Variants in XKR9 observed in about 807,000 individuals in gnomAD.
The protein encoded by XKR9 is XK-related protein 9.
Under a neutral mutation model 32.0 loss-of-function variants are expected in XKR9, and 32 were observed. That is an observed-to-expected ratio of 1.00 (90% CI 0.76 to 1.34). The LOEUF is 1.34. XKR9 is among the 40% of genes most tolerant of loss of function. The pLI, the probability that XKR9 is intolerant of heterozygous loss-of-function variation, is 0.00. For missense variants in XKR9, 546 were observed against 429.7 expected (o/e 1.27, Z -2.39); for synonymous variants, 168 against 143.4 (o/e 1.17, Z -1.22).
At chr8:70,909,285 T>A in the XKR9 span, among the ~76,000 whole-genome samples, 1 of 152,184 alleles carries the variant, frequency 6.6e-6, no homozygotes, top group East Asian at 1.9e-4. Context: ...TATTTATAGT[T>A]CATACCATGC....
intron 2 of XKR9, among the ~76,000 whole-genome samples, chr8:70,768,611 G>C (rs1384853868): frequency 6.6e-6 from 1 of 152,098 alleles, no homozygotes; most frequent in South Asian, 2.1e-4. Context: ...GGGTATTCCT[G>C]TATTGGGCAA....
Position 70,779,670 on chromosome 8 carries a change from G to A in XKR9, n.353-9669G>A, listed in dbSNP as rs557075517. On this transcript the variant is annotated intron_variant and non_coding_transcript_variant, in intron 2 of 3. Coordinates refer to the XKR9 transcript ENST00000520273. ...CTATTCAGAGATTTGACTTCTTCCT[G>A]GCTTAGTCTTGGGAGGGTGTGTGTG... Among the ~76,000 whole-genome samples the A allele has an allele frequency of 5.9e-5, 9 of 152,152 alleles. No homozygotes were observed. The Middle Eastern group carries it at 0.01, about 173-fold the overall frequency.
chr8:70,828,353 C>T, the XKR9 span, among the ~76,000 whole-genome samples: 5 of 152,018 alleles, frequency 3.3e-5, no homozygotes, highest in Non-Finnish European at 5.9e-5. Flanking sequence ...ATGATTTAAC[C>T]GTGGGCATGG....
At chr8:70,670,015 A>G (rs2132088645) in intron 1 of XKR9, among the ~76,000 whole-genome samples, 1 of 152,316 alleles carries the variant, frequency 6.6e-6, no homozygotes, top group South Asian at 2.1e-4. Flanking sequence ...TTTACTTAGT[A>G]CTTCCTACTA....
At chr8:70,750,720 C>G (rs748109949) in intron 2 of XKR9, among the ~76,000 whole-genome samples, 15 of 152,226 alleles carry the variant, frequency 9.9e-5, no homozygotes, top group Middle Eastern at 6.8e-3. Flanking sequence ...AACCATTAAA[C>G]TTTTCTAATC....
At chr8:70,908,114 A>G in the XKR9 span, among the ~76,000 whole-genome samples, 1 of 152,208 alleles carries the variant, frequency 6.6e-6, no homozygotes, top group Admixed American at 6.5e-5. Context: ...TTCCAGTGAC[A>G]TTGAAATGAA....
the XKR9 span, among the ~76,000 whole-genome samples, chr8:71,024,389 C>A: frequency 6.6e-6 from 1 of 152,070 alleles, no homozygotes; most frequent in Non-Finnish European, 1.5e-5. Flanking sequence ...CTGGGTCTAA[C>A]CTATATCATA....
At chr8:70,708,479 T>C (rs1805798381) in intron 4 of XKR9, among the ~76,000 whole-genome samples, 1 of 152,078 alleles carries the variant, frequency 6.6e-6, no homozygotes, top group South Asian at 2.1e-4. Flanking sequence ...AAATAAATTA[T>C]TGTAGGTTGT....
chr8:70,775,211 G>A (rs976277406), intron 2 of XKR9, among the ~76,000 whole-genome samples: 2 of 151,992 alleles, frequency 1.3e-5, no homozygotes, highest in Non-Finnish European at 1.5e-5. Flanking sequence ...CTTAATTCTA[G>A]TCACTTTTTG....
At chr8:70,772,257 C>T (rs183015374) in intron 2 of XKR9, among the ~76,000 whole-genome samples, 51 of 152,272 alleles carry the variant, frequency 3.3e-4, no homozygotes, top group African/African-American at 1.1e-3. Flanking sequence ...ATGTTTAACA[C>T]ATGTTTGCCG....
intron 4 of XKR9, among the ~76,000 whole-genome samples, chr8:70,710,313 C>A (rs977811706): frequency 7.9e-5 from 12 of 152,132 alleles, no homozygotes; most frequent in Admixed American, 7.2e-4. Context: ...AAGACTTAAA[C>A]ATAAAATGAA....
At chr8:70,884,695 T>C in the XKR9 span, among the ~76,000 whole-genome samples, 3 of 152,190 alleles carry the variant, frequency 2.0e-5, no homozygotes, top group Non-Finnish European at 4.4e-5. Flanking sequence ...CAGTTGGCTA[T>C]ATTTGTGTGG....
chr8:70,957,783 CTTTTTTTTTTT>C, the XKR9 span, among the ~76,000 whole-genome samples: 1,921 of 84,968 alleles, frequency 0.023, 80 homozygotes, highest in African/African-American at 0.037. Flanking sequence ...TTCAGTCTAT[CTTTTTTTTTTT>C]TTTTTTTTTT....
the XKR9 span, among the ~76,000 whole-genome samples, chr8:70,910,226 C>A: frequency 6.6e-6 from 1 of 152,120 alleles, no homozygotes. Flanking sequence ...AGGCACCTTT[C>A]CAGCTCCAGG....
At chr8:70,921,588 C>T in the XKR9 span, among the ~76,000 whole-genome samples, 1 of 152,152 alleles carries the variant, frequency 6.6e-6, no homozygotes. Context: ...GTTTCTCCCA[C>T]AGGTACTTTC....
At chr8:70,883,101 T>C in the XKR9 span, among the ~76,000 whole-genome samples, 1 of 151,952 alleles carries the variant, frequency 6.6e-6, no homozygotes, top group South Asian at 2.1e-4. Context: ...CTGTACTGAA[T>C]GTGTATTCTT....
rs186906593 is a variant in XKR9, at chr8:70,759,721, T to C, written n.353-29618T>C. Reference sequence around the variant, plus strand: ...GTATTTGCTGTGACATCTGGTGGCATTGGTGAGCTCACCTGATGGACCACA... The same window carrying C: ...GTATTTGCTGTGACATCTGGTGGCACTGGTGAGCTCACCTGATGGACCACA... On this transcript the variant is annotated intron_variant and non_coding_transcript_variant, in intron 2 of 3. Transcript: ENST00000520273. 8.0e-3 allele frequency among the ~76,000 whole-genome samples: 1,223 copies of C among 152,336 alleles called. 16 individuals carry two copies. The highest frequency in any genetic ancestry group is 0.01 in the Non-Finnish European group (699 of 68,020).
chr8:71,026,854 A>C, the XKR9 span, among the ~76,000 whole-genome samples: 3 of 152,352 alleles, frequency 2.0e-5, no homozygotes, highest in Non-Finnish European at 2.9e-5. Context: ...CAAGGGTAAA[A>C]TACAGGGAAA....
At chr8:70,888,362 T>C in the XKR9 span, among the ~76,000 whole-genome samples, 2 of 152,002 alleles carry the variant, frequency 1.3e-5, no homozygotes, top group Non-Finnish European at 2.9e-5. Flanking sequence ...GAATTCCTTG[T>C]CAGATATATA....
Sources: gnomAD v4.1 joint callset for allele counts (sites outside exome capture counted in the v4.1 genomes callset) on GRCh38, gnomAD v4.1.1 for gene constraint, MANE v1.5 for transcripts, NCBI Gene and HGNC (gene_info 2026-07-23, HGNC 2026-07-21) for gene names.